Variants in WWOX observed in about 807,000 individuals in gnomAD.
WWOX encodes WW domain-containing oxidoreductase.
In WWOX, 69 loss-of-function variants were observed where a neutral mutation model predicts 46.2. That is an observed-to-expected ratio of 1.49 (90% CI 1.23 to 1.82). The LOEUF is 1.82. Among genes scored for constraint, WWOX ranks in the 40% most tolerant of loss-of-function variants. The probability of loss-of-function intolerance (pLI) is 0.00; values close to 1 mark genes in which losing one functional copy is unlikely to be tolerated. For synonymous variants in WWOX, 359 were observed against 202.6 expected, an observed-to-expected ratio of 1.77 and a Z score of -6.56; for missense variants, 919 against 542.6, an observed-to-expected ratio of 1.69 and a Z score of -6.89.
chr16:78,761,618 G>A (rs982390917), intron 8 of WWOX, among the ~76,000 whole-genome samples: 6 of 152,030 alleles, frequency 3.9e-5, no homozygotes, highest in Admixed American at 1.3e-4. Flanking sequence ...TTGTGGGGGC[G>A]TCTGACATGT....
chr16:78,144,523 A>ATATATATATATATTTT, intron 4 of WWOX, among the ~76,000 whole-genome samples: 1 of 18,632 alleles, frequency 5.4e-5, no homozygotes, highest in Non-Finnish European at 8.7e-5. Flanking sequence ...ATATATATAT[A>ATATATATATATATTTT]TTTTTTTTTT....
chr16:79,093,715 A>G (rs1235026837), intron 8 of WWOX, among the ~76,000 whole-genome samples: 1 of 152,224 alleles, frequency 6.6e-6, no homozygotes. Flanking sequence ...AACTTGAATG[A>G]ACATCAAAAG....
intron 8 of WWOX, among the ~76,000 whole-genome samples, chr16:78,798,086 G>C (rs922984799): frequency 2.6e-5 from 4 of 152,184 alleles, no homozygotes; most frequent in Admixed American, 2.0e-4. Flanking sequence ...GGAAGCTGAG[G>C]TTCAGAGAGA....
At chr16:78,362,577 C>G (rs964850734) in intron 5 of WWOX, among the ~76,000 whole-genome samples, 1 of 152,048 alleles carries the variant, frequency 6.6e-6, no homozygotes, top group Non-Finnish European at 1.5e-5. Flanking sequence ...CCACTGCACT[C>G]CAGCCTGGGC....
chr16:78,941,497 T>C (rs959871329), intron 8 of WWOX, among the ~76,000 whole-genome samples: 12 of 151,728 alleles, frequency 7.9e-5, no homozygotes, highest in African/African-American at 2.9e-4. Flanking sequence ...GTGAAAACAT[T>C]ATTGGATTCA....
At chr16:78,339,880 C>G (rs865804846) in intron 5 of WWOX, among the ~76,000 whole-genome samples, 2 of 115,416 alleles carry the variant, frequency 1.7e-5, no homozygotes, top group Non-Finnish European at 4.1e-5. Context: ...AAATAGGAGA[C>G]TGTTCCCTTT....
chr16:78,613,548 C>T (rs896808643), intron 8 of WWOX, among the ~76,000 whole-genome samples: 1 of 152,204 alleles, frequency 6.6e-6, no homozygotes, highest in African/African-American at 2.4e-5. Context: ...TGCAAATTAT[C>T]TGATGGAATT....
At position 78,702,100 on chromosome 16, in the gene WWOX, T is replaced by TTATATATA. The variant is rs72067397; in HGVS notation, c.1056+269364_1056+269371dup. ...AAGTTTTATATTTATATCTATAAAG[T>TTATATATA]TATATATATATATATATATATATTT... On this transcript the variant is annotated intron_variant, in intron 8 of 8. Coordinates refer to ENST00000566780, the MANE Select transcript of WWOX (RefSeq NM_016373.4). Among the ~76,000 whole-genome samples the TTATATATA allele has an allele frequency of 3.4e-3, 273 of 81,222 alleles. 4 individuals carry two copies. Among genetic ancestry groups the TTATATATA allele is most frequent in the African/African-American group, 9.9e-3 (145 of 14,610 alleles). The allele number at this position is 81,222 out of a possible 152,430, so 53.3% of individuals were successfully genotyped here. A position where few individuals can be genotyped will look rare whatever the true frequency, so the allele number is the denominator to read the frequency against.
At chr16:79,004,819 G>A (rs1043136582) in intron 8 of WWOX, 11 of 152,208 alleles carry the variant, frequency 7.2e-5, no homozygotes, top group Admixed American at 5.2e-4. Flanking sequence ...GGCACAGCAG[G>A]CACTTGGGTT....
intron 8 of WWOX, among the ~76,000 whole-genome samples, chr16:78,993,002 A>G (rs2046918264): frequency 6.6e-6 from 1 of 152,296 alleles, no homozygotes; most frequent in African/African-American, 2.4e-5. Flanking sequence ...CAATGAGGAA[A>G]ACTGGACTAT....
intron 8 of WWOX, among the ~76,000 whole-genome samples, chr16:78,735,157 A>T (rs1422870162): frequency 6.6e-6 from 1 of 151,800 alleles, no homozygotes; most frequent in African/African-American, 2.4e-5. Context: ...GTGAGCCACC[A>T]CGTCTGGCCT....
intron 5 of WWOX, among the ~76,000 whole-genome samples, chr16:78,328,667 A>G (rs59285947): frequency 0.097 from 14,708 of 152,202 alleles, 858 homozygotes; most frequent in Admixed American, 0.16. Context: ...GAGAACAGAA[A>G]TACTCTTGAT....
At chr16:78,697,932 T>C (rs2048135376) in intron 8 of WWOX, among the ~76,000 whole-genome samples, 1 of 152,158 alleles carries the variant, frequency 6.6e-6, no homozygotes, top group Non-Finnish European at 1.5e-5. Flanking sequence ...ATGCTACCTG[T>C]AAGCAAGAAT....
At chr16:78,802,906 A>C (rs935263800) in intron 8 of WWOX, among the ~76,000 whole-genome samples, 3 of 128,426 alleles carry the variant, frequency 2.3e-5, no homozygotes, top group Non-Finnish European at 3.2e-5. Flanking sequence ...ACAGAGCAAG[A>C]CTTCATCTGA....
intron 8 of WWOX, among the ~76,000 whole-genome samples, chr16:78,457,493 CT>C (rs1269332553): frequency 6.6e-6 from 1 of 152,110 alleles, no homozygotes; most frequent in Non-Finnish European, 1.5e-5. Flanking sequence ...ACTGTTGATT[CT>C]TTTTTTCATT....
At chr16:78,314,713 T>TTG (rs1268702893) in intron 5 of WWOX, among the ~76,000 whole-genome samples, 2,422 of 139,252 alleles carry the variant, frequency 0.017, 123 homozygotes, top group African/African-American at 0.067. Flanking sequence ...TTTTTTTTTT[T>TTG]TTTTTTTTCT....
intron 8 of WWOX, among the ~76,000 whole-genome samples, chr16:78,844,572 G>A (rs8063932): frequency 0.25 from 38,006 of 152,008 alleles, 4,977 homozygotes; most frequent in Middle Eastern, 0.37. Context: ...AAGGGAAAAT[G>A]GCAACAGCAC....
chr16:78,442,289 G>C (rs916497205), intron 8 of WWOX, among the ~76,000 whole-genome samples: 1 of 152,090 alleles, frequency 6.6e-6, no homozygotes, highest in East Asian at 1.9e-4. Context: ...AACATTGAAA[G>C]TCTAGTCTCA....
At chr16:78,494,823 C>T (rs759172415) in intron 8 of WWOX, among the ~76,000 whole-genome samples, 4 of 152,230 alleles carry the variant, frequency 2.6e-5, no homozygotes, top group East Asian at 1.9e-4. Context: ...ATCCTATAGC[C>T]GGAGGAAGGC....
Sources: allele counts gnomAD v4.1 joint callset (sites outside exome capture counted in the v4.1 genomes callset), GRCh38; gene constraint gnomAD v4.1.1; transcripts MANE v1.5; gene names NCBI Gene and HGNC (gene_info 2026-07-23, HGNC 2026-07-21).